PHKA1: variants seen among roughly 807,000 people sequenced by gnomAD.
PHKA1 encodes the protein phosphorylase kinase regulatory subunit alpha 1.
Under a neutral mutation model 110.2 loss-of-function variants are expected in PHKA1, and 60 were observed. The ratio of observed to expected loss-of-function variants is 0.54; its 90% CI spans 0.44 to 0.68. The LOEUF (loss-of-function observed/expected upper bound fraction) is 0.68, where lower values mean the gene tolerates loss of function less well. PHKA1 is among the 30% of genes least tolerant of loss of function. PHKA1 has a pLI of 0.00. For missense variants in PHKA1, 801 were observed against 942.5 expected (o/e 0.85, Z 1.97); for synonymous variants, 316 against 333.6 (o/e 0.95, Z 0.58).
chrX:72,678,507 G>A (rs1178061990), intron 5 of PHKA1, among the ~76,000 whole-genome samples: 1 of 111,971 alleles, frequency 8.9e-6, no homozygotes, highest in Non-Finnish European at 1.9e-5. Context: ...TAGAGTATGA[G>A]AATACAGAAA....
chrX:72,641,821 A>G (rs1556295423), intron 14 of PHKA1, among the ~76,000 whole-genome samples: 8 of 111,754 alleles, frequency 7.2e-5, no homozygotes, highest in Non-Finnish European at 1.5e-4. Context: ...ATAGTCACTC[A>G]TCTGACTGAT....
At chrX:72,636,500 G>GACAC (rs1556291947) in intron 14 of PHKA1, 114 bp from the exon 15 acceptor site, 1 of 502,450 alleles carries the variant, frequency 2.0e-6, no homozygotes, top group African/African-American at 2.4e-5. Flanking sequence ...TATACATATA[G>GACAC]ACACACACAC....
intron 18 of PHKA1, chrX:72,622,278 T>C: frequency 2.7e-6 from 2 of 754,213 alleles, no homozygotes; most frequent in South Asian, 6.7e-5. Context: ...CTGACCTCAC[T>C]GAGGGCAGCA....
rs1030793658 is a variant in PHKA1 at position 72,665,218 on chromosome X, C to T, written c.864+933G>A. On this transcript the variant is annotated intron_variant, in intron 8 of 31. Coordinates refer to ENST00000373542, the MANE Select transcript of PHKA1 (RefSeq NM_002637.4). ...AGAAATAAAAAAGAGACATTATAAC[C>T]GATACCACAGAAATACAAAGGATTA... is the stretch of plus-strand genomic sequence containing the variant. Among the ~76,000 whole-genome samples, 6 of 110,950 alleles carry T rather than the reference C, an allele frequency of 5.4e-5. No individual in the cohort carries two copies. The East Asian group carries it at 1.1e-3, about 21-fold the overall frequency.
chrX:72,709,635 T>G (rs2054337302), intron 2 of PHKA1, among the ~76,000 whole-genome samples: 1 of 111,050 alleles, frequency 9.0e-6, no homozygotes, highest in South Asian at 3.8e-4. Context: ...TCACACTGGC[T>G]ATACATTAAA....
At chrX:72,682,326 C>A (rs1426844183) in intron 5 of PHKA1, among the ~76,000 whole-genome samples, 1 of 101,042 alleles carries the variant, frequency 9.9e-6, no homozygotes. Flanking sequence ...CCGCCCCGTC[C>A]GGGAGGGAGG....
intron 21 of PHKA1, among the ~76,000 whole-genome samples, chrX:72,615,983 T>C (rs1274700366): frequency 1.6e-4 from 18 of 111,988 alleles, no homozygotes; most frequent in African/African-American, 4.6e-4. Context: ...TGTGAGGACA[T>C]ACATGGACTA....
chrX:72,620,998 C>T (rs1223457919), intron 18 of PHKA1, 97 bp from the exon 19 acceptor site: 2 of 920,752 alleles, frequency 2.2e-6, no homozygotes, highest in African/African-American at 3.9e-5. Context: ...GGCTCCTGTG[C>T]TCACAACACA....
chrX:72,611,691 T>G (rs1237319385), intron 21 of PHKA1, among the ~76,000 whole-genome samples: 2 of 112,010 alleles, frequency 1.8e-5, no homozygotes, highest in African/African-American at 6.5e-5. Context: ...TAGGAAAAGG[T>G]GCTCAACCTC....
At chrX:72,692,130 T>C (rs956505630) in intron 4 of PHKA1, among the ~76,000 whole-genome samples, 15 of 112,370 alleles carry the variant, frequency 1.3e-4, no homozygotes. Context: ...CTTTGTCCTT[T>C]ATTCCACTGA....
In PHKA1 at chrX:72,619,297, T is replaced by C. The variant is rs782743602; in HGVS notation, c.2146A>G (p.Met716Val). ...TGAAATAACTTCGTAGGAAGATACA[T>C]GTGAACATCTGCAAAAATATGACAT... ...AKELHVQNVH[M>V]YLPTKLFQAS... The change falls in exon 20 of 32, where the codon ATG becomes GTG. Residue 716 changes from methionine to valine, a missense_variant. Physicochemically the swap from Met to Val is conservative, Grantham distance 21. Around this residue, in one of 2 missense-constraint regions of PHKA1, gnomAD observed 502 missense variants for 519.2 expected, o/e 0.97. Transcript: ENST00000373542. 41 of 1,144,578 alleles carry C rather than the reference T, an allele frequency of 3.6e-5. No individual in the cohort carries two copies. Among genetic ancestry groups the C allele is most frequent in the Non-Finnish European group, 4.5e-5 (38 of 835,449 alleles). 94.3% of individuals were successfully genotyped at this position (1,144,578 alleles called of 1,213,427 possible).
intron 6 of PHKA1, among the ~76,000 whole-genome samples, chrX:72,675,691 G>A (rs1251616741): frequency 9.0e-6 from 1 of 110,673 alleles, no homozygotes; most frequent in Admixed American, 9.7e-5. Context: ...GGGGATGGAG[G>A]AAAATAAAGA....
intron 8 of PHKA1, among the ~76,000 whole-genome samples, 197 bp downstream of exon 8, chrX:72,665,954 A>G (rs1556306151): frequency 8.9e-6 from 1 of 112,153 alleles, no homozygotes; most frequent in Non-Finnish European, 1.9e-5. Context: ...TGTTTTCTAA[A>G]GTGGGTGTAC....
intron 28 of PHKA1, among the ~76,000 whole-genome samples, chrX:72,596,165 G>T (rs1197499382): frequency 8.9e-6 from 1 of 111,736 alleles, no homozygotes; most frequent in Non-Finnish European, 1.9e-5. Context: ...GAACCTGCAG[G>T]ATACTATGCT....
chrX:72,672,550 C>G (rs1211458618), intron 6 of PHKA1, among the ~76,000 whole-genome samples: 1 of 111,538 alleles, frequency 9.0e-6, no homozygotes, highest in African/African-American at 3.3e-5. Flanking sequence ...TGATAACTCA[C>G]TAATCCATTA....
intron 4 of PHKA1, among the ~76,000 whole-genome samples, chrX:72,694,157 T>C (rs1324622524): frequency 8.9e-6 from 1 of 112,124 alleles, no homozygotes. Context: ...CATTGCTAAA[T>C]ACTCTGTGAA....
chrX:72,605,958 A>AGGG (rs1556250638), intron 23 of PHKA1, among the ~76,000 whole-genome samples: 5 of 112,401 alleles, frequency 4.4e-5, no homozygotes, highest in Non-Finnish European at 9.4e-5. Flanking sequence ...GCTACAAAGT[A>AGGG]CTAAATTAAT....
chrX:72,700,995 A>G (rs1556329259), intron 3 of PHKA1, among the ~76,000 whole-genome samples: 1 of 112,776 alleles, frequency 8.9e-6, no homozygotes, highest in African/African-American at 3.2e-5. Context: ...GTATACTGCC[A>G]TAAAAAAGAT....
intron 2 of PHKA1, among the ~76,000 whole-genome samples, chrX:72,711,471 G>A (rs1454014302): frequency 9.0e-6 from 1 of 110,934 alleles, no homozygotes; most frequent in Non-Finnish European, 1.9e-5. Flanking sequence ...AAGGCTGGGC[G>A]CGGTGGCTCA....
Sources: allele counts gnomAD v4.1 joint callset (sites outside exome capture counted in the v4.1 genomes callset), GRCh38; gene constraint gnomAD v4.1.1; regional missense constraint gnomAD v4.1.1; transcripts MANE v1.5; gene names NCBI Gene and HGNC (gene_info 2026-07-23, HGNC 2026-07-21).